The following RBFOX3 variants were observed in gnomAD, a reference collection of about 807,000 sequenced individuals.
The protein encoded by RBFOX3 is RNA binding protein fox-1 homolog 3.
Under a neutral mutation model 48.7 loss-of-function variants are expected in RBFOX3, and 17 were observed. The ratio of observed to expected loss-of-function variants is 0.35; its 90% CI spans 0.24 to 0.52. The LOEUF (loss-of-function observed/expected upper bound fraction) is 0.52. RBFOX3 is among the 20% of genes least tolerant of loss of function. The pLI, the probability that RBFOX3 is intolerant of heterozygous loss-of-function variation, is 0.94. For missense variants in RBFOX3, 382 were observed against 497.5 expected, an observed-to-expected ratio of 0.77 and a Z score of 2.21; for synonymous variants, 212 against 209.5, an observed-to-expected ratio of 1.01 and a Z score of -0.10.
intron 3 of RBFOX3, among the ~76,000 whole-genome samples, chr17:79,298,701 G>A (rs553218939): frequency 1.3e-5 from 2 of 152,282 alleles, no homozygotes; most frequent in South Asian, 2.1e-4. Flanking sequence ...TCATCTCGCC[G>A]GCAGGGCCCA....
In RBFOX3 at chr17:79,283,946, ATGGAGATGCCTTCTCCAGGACCATCGT is replaced by A. The variant is rs1289942160; in HGVS notation, c.-74+23751_-74+23777del. On this transcript the variant is annotated intron_variant, in intron 3 of 14. Coordinates refer to ENST00000693108, the MANE Select transcript of RBFOX3 (RefSeq NM_001350451.2). Reference sequence around the variant, plus strand: ...CATTTGCCTGTTTCAGTACTTATAAATGGAGATGCCTTCTCCAGGACCATCGTAACATTTGCCTGTTTCAGTACTTAT... The same window carrying A: ...CATTTGCCTGTTTCAGTACTTATAAAAACATTTGCCTGTTTCAGTACTTAT... Among the ~76,000 whole-genome samples the A allele has an allele frequency of 2.2e-3, 298 of 137,106 alleles. 2 individuals carry two copies. The highest frequency in any genetic ancestry group is 4.7e-3 in the East Asian group (22 of 4,688). The allele number at this position is 137,106 out of a possible 152,430, so 89.9% of individuals were successfully genotyped here.
intron 2 of RBFOX3, among the ~76,000 whole-genome samples, chr17:79,450,835 A>G (rs1302919691): frequency 4.6e-5 from 7 of 152,240 alleles, no homozygotes; most frequent in African/African-American, 1.4e-4. Flanking sequence ...CATGCATAAC[A>G]ATGATAAGAC....
intron 4 of RBFOX3, among the ~76,000 whole-genome samples, chr17:79,165,974 A>G (rs929245386): frequency 6.6e-6 from 1 of 152,254 alleles, no homozygotes; most frequent in Non-Finnish European, 1.5e-5. Context: ...ACCCGCGTGC[A>G]CTGGCCGGGG....
chr17:79,498,575 C>A (rs1232846707), intron 1 of RBFOX3, among the ~76,000 whole-genome samples: 5 of 138,872 alleles, frequency 3.6e-5, no homozygotes, highest in East Asian at 2.2e-4. Context: ...CTATCCTTCC[C>A]CCCACCCCAT....
chr17:79,191,184 A>G (rs983840360), intron 4 of RBFOX3, among the ~76,000 whole-genome samples: 3 of 152,160 alleles, frequency 2.0e-5, no homozygotes, highest in Non-Finnish European at 4.4e-5. Context: ...ATCTTACTTA[A>G]CAGAGAAACC....
the RBFOX3 span, among the ~76,000 whole-genome samples, chr17:79,620,996 CTTCTTT>C: frequency 1.3e-5 from 1 of 77,150 alleles, no homozygotes; most frequent in Non-Finnish European, 2.3e-5. Flanking sequence ...GTTAATCCAA[CTTCTTT>C]TTTTTTTTTT....
In RBFOX3 at chr17:79,111,860, G is replaced by A. The variant is rs2031725955; in HGVS notation, c.222+3634C>T. On this transcript the variant is annotated intron_variant, in intron 5 of 14. Transcript: ENST00000693108. This position sits in a 1 kb window ranked among gnomAD's most constrained non-coding sequence, Gnocchi z 4.2. ...CCCCTGCTGGGGAACACAGACCCTG[G>A]GGGTGGCTCAAGGTAGTGAGATGGG... Among the ~76,000 whole-genome samples, 1 of 152,262 alleles carries A rather than the reference G, an allele frequency of 6.6e-6. No homozygotes were observed. The highest frequency in any genetic ancestry group is 2.4e-5 in the African/African-American group (1 of 41,476).
chr17:79,469,919 C>G (rs927526788), intron 2 of RBFOX3, among the ~76,000 whole-genome samples: 1 of 152,132 alleles, frequency 6.6e-6, no homozygotes, highest in East Asian at 1.9e-4. Flanking sequence ...AGAGAGAGCA[C>G]GCATGGAGAT....
At chr17:79,318,895 G>A (rs2077974095) in intron 2 of RBFOX3, among the ~76,000 whole-genome samples, 2 of 130,180 alleles carry the variant, frequency 1.5e-5, no homozygotes. Flanking sequence ...TGGAGGGAGG[G>A]ATAGCATTTG....
At position 79,095,372 on chromosome 17, in the gene RBFOX3, C is replaced by G. The variant is rs539875712; in HGVS notation, c.998+141G>C. On this transcript the variant is annotated intron_variant, in intron 13 of 14. Transcript: ENST00000693108. ...ACTGGCTCAAGGGCCACACTCAGAC[C>G]TGCTCCCCTGTCCCGACCCTACTCC... 130 of 672,188 alleles carry G rather than the reference C, an allele frequency of 1.9e-4. 1 individual carries two copies. In the African/African-American group the frequency reaches 2.2e-3, roughly 11 times the overall value. 41.6% of individuals were successfully genotyped at this position (672,188 alleles called of 1,614,324 possible).
intron 4 of RBFOX3, among the ~76,000 whole-genome samples, chr17:79,156,724 G>T (rs554736067): frequency 6.6e-6 from 1 of 152,314 alleles, no homozygotes; most frequent in Admixed American, 6.5e-5. Flanking sequence ...TGTGTGGCCC[G>T]GAGAGACTAG....
In RBFOX3 at chr17:79,535,453, C is replaced by CA. The variant is rs1366261391; in HGVS notation, c.-319-52856dup. Among the ~76,000 whole-genome samples the CA allele has an allele frequency of 6.6e-6, 1 of 152,180 alleles. No homozygotes were observed. Among genetic ancestry groups the CA allele is most frequent in the Non-Finnish European group, 1.5e-5 (1 of 68,026 alleles). On this transcript the variant is annotated intron_variant, in intron 1 of 14. Coordinates refer to ENST00000693108, the MANE Select transcript of RBFOX3 (RefSeq NM_001350451.2). This position sits in a 1 kb window ranked among gnomAD's most constrained non-coding sequence, Gnocchi z 4.5. ...TCCTCCGGAGAGTGTCACAAGGGGACAGCGGCCTCCAATCTCCCGATTCCT... is the reference window on the plus strand; with the variant it reads ...TCCTCCGGAGAGTGTCACAAGGGGACAAGCGGCCTCCAATCTCCCGATTCCT...
chr17:79,107,121 C>G (rs2077532353), intron 5 of RBFOX3, among the ~76,000 whole-genome samples: 1 of 152,246 alleles, frequency 6.6e-6, no homozygotes, highest in African/African-American at 2.4e-5. Context: ...GGCTGAACCT[C>G]CACGGTCTCT....
intron 4 of RBFOX3, among the ~76,000 whole-genome samples, chr17:79,162,292 G>A (rs1201112218): frequency 1.3e-5 from 2 of 148,736 alleles, no homozygotes; most frequent in Non-Finnish European, 3.0e-5. Context: ...TCATGGGGCC[G>A]CCTGCACACA....
chr17:79,541,731 G>A (rs528260355), intron 1 of RBFOX3, among the ~76,000 whole-genome samples: 175 of 152,306 alleles, frequency 1.1e-3, no homozygotes, highest in African/African-American at 3.7e-3. Flanking sequence ...CGCTCACCCC[G>A]GAGCAGGATT....
chr17:79,462,249 G>A (rs1349894517), intron 2 of RBFOX3, among the ~76,000 whole-genome samples: 1 of 152,176 alleles, frequency 6.6e-6, no homozygotes, highest in East Asian at 1.9e-4. Context: ...ACGATGTAAC[G>A]ATAAGATGCA....
intron 5 of RBFOX3, among the ~76,000 whole-genome samples, chr17:79,110,823 C>T (rs1487727129): frequency 3.3e-5 from 5 of 152,248 alleles, no homozygotes; most frequent in African/African-American, 1.2e-4. Flanking sequence ...AGCCGACTGA[C>T]GCCTCATCCA....
At chr17:79,611,180 T>TC (rs2093964991), upstream of RBFOX3, among the ~76,000 whole-genome samples, 13 of 2,824 alleles carry the variant, frequency 4.6e-3, no homozygotes, top group African/African-American at 0.015. Flanking sequence ...CTCTCCGCCC[T>TC]CCTTCTCTCT....
rs1197220982 is a variant in RBFOX3, at chr17:79,535,507, A to G, written c.-319-52909T>C. Among the ~76,000 whole-genome samples the G allele has an allele frequency of 6.6e-6, 1 of 152,064 alleles. No individual in the cohort carries two copies. The highest frequency in any genetic ancestry group is 2.4e-5 in the African/African-American group (1 of 41,410). On this transcript the variant is annotated intron_variant, in intron 1 of 14. Coordinates refer to ENST00000693108, the MANE Select transcript of RBFOX3 (RefSeq NM_001350451.2). This position sits in a 1 kb window ranked among gnomAD's most constrained non-coding sequence, Gnocchi z 4.5. ...CTCTCCCCTGTTACCCAAGTGAGTCACCCCAAACGAATGAGGCCCTCAGAT... is the reference window on the plus strand; with the variant it reads ...CTCTCCCCTGTTACCCAAGTGAGTCGCCCCAAACGAATGAGGCCCTCAGAT...
Sources: allele counts gnomAD v4.1 joint callset (sites outside exome capture counted in the v4.1 genomes callset), GRCh38; gene constraint gnomAD v4.1.1; non-coding constraint Gnocchi (gnomAD v3.1); transcripts MANE v1.5; gene names NCBI Gene and HGNC (gene_info 2026-07-23, HGNC 2026-07-21).